SACS: variants seen among roughly 807,000 people sequenced by gnomAD.
The protein encoded by SACS is sacsin molecular chaperone.
A neutral mutation model predicts 348.0 loss-of-function variants in SACS; 197 were observed. The observed-to-expected ratio is 0.57, with a 90% CI of 0.50 to 0.64. SACS has a LOEUF of 0.64. Ranked by LOEUF, SACS falls within the 30% of genes least tolerant of loss-of-function variation. The pLI is 0.00. For synonymous variants in SACS, 1,985 were observed against 1,910.6 expected (o/e 1.04, Z -1.02); for missense variants, 4,999 against 5,360.8 (o/e 0.93, Z 2.11).
At chr13:23,361,316 A>G (rs187920525) in intron 6 of SACS, among the ~76,000 whole-genome samples, 11 of 152,200 alleles carry the variant, frequency 7.2e-5, no homozygotes, top group Non-Finnish European at 1.5e-4. Context: ...AATTCTGATC[A>G]TATTCATCCT....
At chr13:23,342,566 A>G (rs1869335933) in intron 9 of SACS, among the ~76,000 whole-genome samples, 1 of 152,230 alleles carries the variant, frequency 6.6e-6, no homozygotes, top group African/African-American at 2.4e-5. Flanking sequence ...GAAATCCAAA[A>G]TGCTCCAATG....
chr13:23,382,624 C>T (rs764212768), intron 2 of SACS, among the ~76,000 whole-genome samples: 2 of 152,054 alleles, frequency 1.3e-5, no homozygotes, highest in Non-Finnish European at 2.9e-5. Flanking sequence ...TTGAACTCAA[C>T]GAATCCTAAA....
chr13:23,401,682 T>C (rs1290143782), intron 2 of SACS, among the ~76,000 whole-genome samples: 1 of 152,250 alleles, frequency 6.6e-6, no homozygotes, highest in Non-Finnish European at 1.5e-5. Context: ...ATTAGCTCTT[T>C]AACCGTCTTA....
rs1279988199 is a variant in SACS, at chr13:23,335,570, A to AT, written c.8305dup (p.Ile2769AsnfsTer18). 1 of 1,613,608 alleles carries AT rather than the reference A, an allele frequency of 6.2e-7. No individual in the cohort carries two copies. The highest frequency in any genetic ancestry group is 1.3e-5 in the African/African-American group (1 of 74,884). Reference sequence around the variant, plus strand: ...CCTTTTCAATCTGTCTCCATCTGTGATTTTGCCCTTTACTGAATACAGCAC... The same window carrying AT: ...CCTTTTCAATCTGTCTCCATCTGTGATTTTTGCCCTTTACTGAATACAGCAC... On this transcript the variant is annotated frameshift_variant, in exon 10 of 10. Transcript: ENST00000382292. LOFTEE classifies it high-confidence loss of function. This position sits in a 1 kb window ranked among gnomAD's most constrained non-coding sequence, Gnocchi z 4.7.
intron 1 of SACS, chr13:23,427,780 G>T (rs922831671): frequency 6.6e-6 from 1 of 152,262 alleles, no homozygotes; most frequent in Non-Finnish European, 1.5e-5. Flanking sequence ...GAGAAGGGGG[G>T]ATAAAGCTGC....
chr13:23,362,434 G>C (rs948186510), intron 6 of SACS, among the ~76,000 whole-genome samples: 5 of 152,110 alleles, frequency 3.3e-5, no homozygotes, highest in African/African-American at 1.2e-4. Flanking sequence ...CAGTAAAGGG[G>C]AAAAGCCATG....
At chr13:23,348,034 G>A (rs1317361899) in intron 9 of SACS, among the ~76,000 whole-genome samples, 3 of 151,966 alleles carry the variant, frequency 2.0e-5, no homozygotes, top group Non-Finnish European at 4.4e-5. Flanking sequence ...AATAAGACCC[G>A]ACACCAAGCA....
chr13:23,367,294 A>G (rs1033915472), intron 5 of SACS, among the ~76,000 whole-genome samples: 3 of 152,198 alleles, frequency 2.0e-5, no homozygotes, highest in African/African-American at 7.2e-5. Context: ...GCCCAGTCTC[A>G]CCATGATCAC....
intron 1 of SACS, chr13:23,428,274 GAC>G (rs1874274531): frequency 6.6e-6 from 1 of 152,332 alleles, no homozygotes; most frequent in Non-Finnish European, 1.5e-5. Flanking sequence ...GCCAAATGCA[GAC>G]AGACTTCAGG....
In SACS at chr13:23,375,535, G is replaced by A. The variant is rs972665467; in HGVS notation, c.21-266C>T. 24 of 1,074,906 alleles carry A rather than the reference G, an allele frequency of 2.2e-5. No homozygotes were observed. In the African/African-American group the frequency reaches 4.2e-4, roughly 19 times the overall value. The allele number at this position is 1,074,906 out of a possible 1,614,324, so 66.6% of individuals were successfully genotyped here. On this transcript the variant is annotated intron_variant, in intron 2 of 9. Transcript: ENST00000382292. ...AACGCTAGAGGAAGCCGCGGCGGCC[G>A]AGGAGCAGGCGGGGGCGGGGACTGC...
intron 9 of SACS, among the ~76,000 whole-genome samples, chr13:23,343,871 G>A (rs1869435205): frequency 6.6e-6 from 1 of 152,096 alleles, no homozygotes; most frequent in Admixed American, 6.6e-5. Context: ...GTAACAATAA[G>A]ACATTTAAAA....
At chr13:23,427,804 G>C (rs1448116715) in intron 1 of SACS, 5 of 152,258 alleles carry the variant, frequency 3.3e-5, no homozygotes, top group Non-Finnish European at 7.3e-5. Flanking sequence ...CCAGAAACTA[G>C]GACAGCAACA....
chr13:23,412,427 T>C (rs747238408), intron 1 of SACS, among the ~76,000 whole-genome samples: 289 of 109,170 alleles, frequency 2.6e-3, no homozygotes, highest in Non-Finnish European at 4.4e-3. Flanking sequence ...TTTTTTTTTT[T>C]CTCTGAGACA....
chr13:23,425,213 C>T (rs1391591990), intron 1 of SACS, among the ~76,000 whole-genome samples: 1 of 151,720 alleles, frequency 6.6e-6, no homozygotes, highest in Non-Finnish European at 1.5e-5. Flanking sequence ...GGGGACTAGA[C>T]ATCCACTTGG....
At position 23,353,999 on chromosome 13, in the gene SACS, C is replaced by T. The variant is rs1870149760; in HGVS notation, c.2094-123G>A. 9 of 679,520 alleles carry T rather than the reference C, an allele frequency of 1.3e-5. No homozygotes were observed. The South Asian group carries it at 1.6e-4, about 12-fold the overall frequency. The allele number at this position is 679,520 out of a possible 1,614,324, so 42.1% of individuals were successfully genotyped here. A position where few individuals can be genotyped will look rare whatever the true frequency, so the allele number is the denominator to read the frequency against. ...TTTATTTTACATAAATTATAATGCA[C>T]ACATCAAATCAAATTACAATATTTT... On this transcript the variant is annotated intron_variant, in intron 8 of 9. Transcript: ENST00000382292.
chr13:23,361,060 T>TTGACTG (rs1870703418), intron 6 of SACS, among the ~76,000 whole-genome samples: 1 of 152,158 alleles, frequency 6.6e-6, no homozygotes, highest in African/African-American at 2.4e-5. Flanking sequence ...CCAAGGTTTT[T>TTGACTG]TGACTGTCAG....
At chr13:23,391,414 G>A (rs962813284) in intron 2 of SACS, among the ~76,000 whole-genome samples, 1 of 152,182 alleles carries the variant, frequency 6.6e-6, no homozygotes, top group African/African-American at 2.4e-5. Context: ...TTGGTTGCAG[G>A]TGGAGTTGGC....
intron 9 of SACS, among the ~76,000 whole-genome samples, chr13:23,349,528 C>T (rs1350236805): frequency 2.6e-5 from 4 of 152,182 alleles, no homozygotes; most frequent in Non-Finnish European, 4.4e-5. Context: ...ATTCATCATT[C>T]GATCTTCAGC....
At chr13:23,399,417 T>G (rs894964314) in intron 2 of SACS, among the ~76,000 whole-genome samples, 1 of 152,152 alleles carries the variant, frequency 6.6e-6, no homozygotes, top group Non-Finnish European at 1.5e-5. Context: ...CTACCCATTC[T>G]GTAAACTGCC....
Sources: allele counts gnomAD v4.1 joint callset (sites outside exome capture counted in the v4.1 genomes callset), GRCh38; gene constraint gnomAD v4.1.1; non-coding constraint Gnocchi (gnomAD v3.1); transcripts MANE v1.5; gene names NCBI Gene and HGNC (gene_info 2026-07-23, HGNC 2026-07-21).